Variants in KIF26B observed in about 807,000 individuals in gnomAD.
The protein encoded by KIF26B is kinesin-like protein KIF26B.
KIF26B carries 63 observed loss-of-function variants against 151.2 expected under a neutral mutation model. The observed-to-expected ratio is 0.42, with a 90% CI of 0.34 to 0.51. The LOEUF (loss-of-function observed/expected upper bound fraction) is 0.51. KIF26B is among the 20% of genes least tolerant of loss of function. KIF26B has a pLI of 0.07. For synonymous variants in KIF26B, 1,357 were observed against 1,262.1 expected (o/e 1.08, Z -1.59); for missense variants, 2,813 against 2,913.6 (o/e 0.97, Z 0.79).
intron 2 of KIF26B, among the ~76,000 whole-genome samples, chr1:245,181,254 G>A (rs1668901290): frequency 6.6e-6 from 1 of 151,914 alleles, no homozygotes; most frequent in Non-Finnish European, 1.5e-5. Flanking sequence ...GGATCACCTG[G>A]ATAAGATTGC....
chr1:245,662,924 G>A (rs2044172263), intron 10 of KIF26B, among the ~76,000 whole-genome samples: 1 of 150,382 alleles, frequency 6.6e-6, no homozygotes, highest in South Asian at 2.1e-4. Flanking sequence ...CTCAACCAGA[G>A]GGCTCCAGAG....
Position 245,218,882 on chromosome 1 carries a change from G to A in KIF26B, c.465+62199G>A, listed in dbSNP as rs1310543251. ...TTTTGTAGAAGCTTGACAGGCAGCT[G>A]ACTCAGCCAGACCTGAAACCCTTTC... On this transcript the variant is annotated intron_variant, in intron 2 of 14. Coordinates refer to ENST00000407071, the MANE Select transcript of KIF26B (RefSeq NM_018012.4). This position sits in a 1 kb window ranked among gnomAD's most constrained non-coding sequence, Gnocchi z 4.1. Among the ~76,000 whole-genome samples the A allele has an allele frequency of 6.6e-6, 1 of 152,104 alleles. No individual in the cohort carries two copies. The highest frequency in any genetic ancestry group is 1.5e-5 in the Non-Finnish European group (1 of 68,030).
intron 4 of KIF26B, among the ~76,000 whole-genome samples, chr1:245,521,384 C>T (rs1438993798): frequency 6.6e-6 from 1 of 150,818 alleles, no homozygotes; most frequent in African/African-American, 2.4e-5. Context: ...TGCTTCTATA[C>T]AATAAAAATA....
intron 2 of KIF26B, among the ~76,000 whole-genome samples, chr1:245,294,862 G>A (rs1462641078): frequency 2.0e-5 from 3 of 151,928 alleles, no homozygotes; most frequent in Non-Finnish European, 4.4e-5. Flanking sequence ...GGGGTTTCAC[G>A]ATGTTGGCCA....
rs559269904 is a variant in KIF26B at position 245,374,708 on chromosome 1, G to A, written c.999+7341G>A. Reference sequence around the variant, plus strand: ...GTTTTGTTTTCTCCTGTTTATAGGCGGTCAAAGGGATATTAGGTTATGTAT... The same window carrying A: ...GTTTTGTTTTCTCCTGTTTATAGGCAGTCAAAGGGATATTAGGTTATGTAT... On this transcript the variant is annotated intron_variant, in intron 3 of 14. Coordinates refer to ENST00000407071, the MANE Select transcript of KIF26B (RefSeq NM_018012.4). Among the ~76,000 whole-genome samples the A allele has an allele frequency of 6.8e-4, 104 of 152,218 alleles. No homozygotes were observed. In the Middle Eastern group the frequency reaches 0.01, roughly 15 times the overall value.
At chr1:245,684,671 T>A (rs1306212832) in intron 11 of KIF26B, among the ~76,000 whole-genome samples, 1 of 152,174 alleles carries the variant, frequency 6.6e-6, no homozygotes. Flanking sequence ...AGAGTACAAA[T>A]GGATTGCTAC....
intron 4 of KIF26B, among the ~76,000 whole-genome samples, chr1:245,528,031 T>G (rs1661278865): frequency 6.6e-6 from 1 of 151,882 alleles, no homozygotes; most frequent in Admixed American, 6.6e-5. Context: ...AGACCTGCAG[T>G]CAGGGAGCAT....
intron 9 of KIF26B, among the ~76,000 whole-genome samples, chr1:245,635,009 A>G (rs926229087): frequency 1.3e-5 from 2 of 151,860 alleles, no homozygotes; most frequent in African/African-American, 4.8e-5. Context: ...GCCTAGCCCT[A>G]GATACAATTT....
chr1:245,283,291 G>A (rs1573751817), intron 2 of KIF26B, among the ~76,000 whole-genome samples: 1 of 148,424 alleles, frequency 6.7e-6, no homozygotes, highest in Non-Finnish European at 1.5e-5. Flanking sequence ...CACCCACCGC[G>A]AGCCCAATCC....
rs778748892 is a variant in KIF26B, at chr1:245,688,098, C to T, written c.5115C>T (p.Arg1705=). ...LHAGKDGTMP[R]AGRSLGRSAG... is the part of the protein sequence containing the mutation. ...CGGGCAAGGACGGCACCATGCCCCG[C>T]GCGGGGAGGAGCCTGGGCCGCAGCG... The change falls in exon 12 of 15, where the codon CGC becomes CGT. Residue 1705 remains arginine, a synonymous_variant. Transcript: ENST00000407071. 1.3e-6 allele frequency: 2 copies of T among 1,554,534 alleles called. No homozygotes were observed. The highest frequency in any genetic ancestry group is 1.9e-5 in the Admixed American group (1 of 52,208).
At chr1:245,240,834 T>C (rs1390435263) in intron 2 of KIF26B, among the ~76,000 whole-genome samples, 3 of 151,998 alleles carry the variant, frequency 2.0e-5, no homozygotes, top group African/African-American at 7.2e-5. Context: ...GCCAGGTGGC[T>C]CAGGGAGGCT....
At chr1:245,208,719 G>A (rs1669455424) in intron 2 of KIF26B, among the ~76,000 whole-genome samples, 1 of 152,162 alleles carries the variant, frequency 6.6e-6, no homozygotes, top group South Asian at 2.1e-4. Context: ...GGCTTTGGGG[G>A]CAGTAGAGGT....
At chr1:245,182,337 T>TTGC (rs563848965) in intron 2 of KIF26B, among the ~76,000 whole-genome samples, 336 of 152,358 alleles carry the variant, frequency 2.2e-3, no homozygotes, top group Non-Finnish European at 3.6e-3. Flanking sequence ...CTGAGGCCTT[T>TTGC]TGCAGATGGC....
At chr1:245,504,738 C>T (rs190643838) in intron 4 of KIF26B, among the ~76,000 whole-genome samples, 1 of 152,004 alleles carries the variant, frequency 6.6e-6, no homozygotes, top group Non-Finnish European at 1.5e-5. Flanking sequence ...CTGTGCCCAG[C>T]CTCTCTGCTC....
rs1671824483 is a variant in KIF26B at position 245,318,603 on chromosome 1, C to G, written c.466-48231C>G. On this transcript the variant is annotated intron_variant, in intron 2 of 14. Coordinates refer to ENST00000407071, the MANE Select transcript of KIF26B (RefSeq NM_018012.4). The surrounding 1 kb of genome is among the most constrained non-coding windows in gnomAD (Gnocchi z 4.0). The stretch of plus-strand genomic sequence containing the variant: ...CTAGCCTTTCCAAGCAGGGACTTTG[C>G]TGCGACTCCCTAAGTTCATAGGGAA... Among the ~76,000 whole-genome samples, 1 of 152,090 alleles carries G rather than the reference C, an allele frequency of 6.6e-6. No individual in the cohort carries two copies. The highest frequency in any genetic ancestry group is 1.5e-5 in the Non-Finnish European group (1 of 68,026).
chr1:245,524,292 C>G (rs1460749754), intron 4 of KIF26B, among the ~76,000 whole-genome samples: 4 of 152,148 alleles, frequency 2.6e-5, no homozygotes, highest in African/African-American at 9.7e-5. Flanking sequence ...CACAACAGAC[C>G]CTTGAGGTAG....
At chr1:245,366,152 A>G (rs1672944289) in intron 2 of KIF26B, among the ~76,000 whole-genome samples, 2 of 152,126 alleles carry the variant, frequency 1.3e-5, no homozygotes, top group African/African-American at 4.8e-5. Context: ...CTCACCCCAT[A>G]TCATGCCTGG....
intron 5 of KIF26B, among the ~76,000 whole-genome samples, chr1:245,571,932 A>C (rs190997742): frequency 7.9e-5 from 12 of 152,344 alleles, no homozygotes; most frequent in African/African-American, 2.9e-4. Flanking sequence ...TCCGAGTGAC[A>C]GACACGCATG....
intron 5 of KIF26B, among the ~76,000 whole-genome samples, chr1:245,561,255 TG>T (rs142792080): frequency 6.6e-6 from 1 of 152,108 alleles, no homozygotes; most frequent in African/African-American, 2.4e-5. Context: ...AGTAAGTAGG[TG>T]GGTGGGTGAG....
Sources: gnomAD v4.1 joint callset for allele counts (sites outside exome capture counted in the v4.1 genomes callset) on GRCh38, gnomAD v4.1.1 for gene constraint, Gnocchi (gnomAD v3.1) non-coding constraint, MANE v1.5 for transcripts, NCBI Gene and HGNC (gene_info 2026-07-23, HGNC 2026-07-21) for gene names.